Variants in CTNND2 observed in about 807,000 individuals in gnomAD.
The protein encoded by CTNND2 is catenin delta-2.
CTNND2 carries 22 observed loss-of-function variants against 144.4 expected under a neutral mutation model. That is an observed-to-expected ratio of 0.15 (90% CI 0.11 to 0.22). The LOEUF (loss-of-function observed/expected upper bound fraction) is 0.22, where lower values mean the gene tolerates loss of function less well. Ranked by LOEUF, CTNND2 falls within the 10% of genes least tolerant of loss-of-function variation. The pLI is 1.00. For synonymous variants in CTNND2, 751 were observed against 695.6 expected, an observed-to-expected ratio of 1.08 and a Z score of -1.25; for missense variants, 1,353 against 1,618.8, an observed-to-expected ratio of 0.84 and a Z score of 2.82.
chr5:11,060,629 C>T (rs138998180), intron 16 of CTNND2, among the ~76,000 whole-genome samples: 1 of 152,254 alleles, frequency 6.6e-6, no homozygotes, highest in East Asian at 1.9e-4. Flanking sequence ...GATGCCTCAA[C>T]AGTAGTGGCA....
chr5:11,798,630 G>A (rs1791525001), intron 1 of CTNND2, among the ~76,000 whole-genome samples: 1 of 152,128 alleles, frequency 6.6e-6, no homozygotes, highest in Non-Finnish European at 1.5e-5. Context: ...ATCTGGGCCT[G>A]GTGGTGCGTG....
chr5:11,450,892 C>G (rs1310559115), intron 3 of CTNND2, among the ~76,000 whole-genome samples: 1 of 98,786 alleles, frequency 1.0e-5, no homozygotes, highest in African/African-American at 4.2e-5. Context: ...CAGCGAAACT[C>G]CATCTCAAAA....
chr5:11,388,832 T>G (rs1175747807), intron 6 of CTNND2, among the ~76,000 whole-genome samples: 1 of 152,218 alleles, frequency 6.6e-6, no homozygotes, highest in Non-Finnish European at 1.5e-5. Flanking sequence ...TGTATTCACT[T>G]TAGTGTCACA....
chr5:11,695,019 A>C (rs576560747), intron 2 of CTNND2, among the ~76,000 whole-genome samples: 8 of 152,340 alleles, frequency 5.3e-5, no homozygotes, highest in African/African-American at 1.9e-4. Flanking sequence ...ATGTCTTTCA[A>C]TGAATGTTGT....
intron 3 of CTNND2, among the ~76,000 whole-genome samples, chr5:11,500,604 G>A (rs1271372009): frequency 6.6e-6 from 1 of 152,144 alleles, no homozygotes; most frequent in Non-Finnish European, 1.5e-5. Flanking sequence ...TACAACTTAG[G>A]AAGGCAAAAT....
chr5:11,470,277 AT>A (rs1767067025), intron 3 of CTNND2, among the ~76,000 whole-genome samples: 1 of 152,126 alleles, frequency 6.6e-6, no homozygotes, highest in Admixed American at 6.5e-5. Flanking sequence ...CTCCATTAAA[AT>A]ACAAAATTAG....
Position 11,074,651 on chromosome 5 carries a change from A to G in CTNND2, c.2788+8045T>C, listed in dbSNP as rs61750303. Among the ~76,000 whole-genome samples, 26 of 152,320 alleles carry G rather than the reference A, an allele frequency of 1.7e-4. No homozygotes were observed. The East Asian group carries it at 4.1e-3, about 24-fold the overall frequency. ...ATTCAGGACAGTATTGATATAACGA[A>G]GATTTTCCCTGTTCTCACCACCCCT... On this transcript the variant is annotated intron_variant, in intron 16 of 21. Coordinates refer to ENST00000304623, the MANE Select transcript of CTNND2 (RefSeq NM_001332.4).
chr5:11,156,783 C>T (rs994149624), intron 12 of CTNND2, among the ~76,000 whole-genome samples: 1 of 152,140 alleles, frequency 6.6e-6, no homozygotes, highest in African/African-American at 2.4e-5. Flanking sequence ...GGTAGCTACA[C>T]ACTCCGTAGG....
chr5:11,528,975 G>A (rs934984068), intron 3 of CTNND2, among the ~76,000 whole-genome samples: 3 of 152,314 alleles, frequency 2.0e-5, no homozygotes, highest in South Asian at 2.1e-4. Flanking sequence ...CACAGAGGCC[G>A]GCGTTGACAG....
At position 10,981,797 on chromosome 5, in the gene CTNND2, G is replaced by A. The variant is rs571416843; in HGVS notation, c.3393C>T (p.Pro1131=). The A allele has an allele frequency of 8.7e-6, 14 of 1,613,874 alleles. No individual in the cohort carries two copies. Among genetic ancestry groups the A allele is most frequent in the South Asian group, 3.3e-5 (3 of 91,028 alleles). ...STLYRNSYGA[P]AEDIKHNQVS... ...CCTGGTTGTGTTTGATGTCTTCAGC[G>A]GGCGCACCATAAGAATTCCTATACA... Residue 1131 remains proline (P), a synonymous_variant, in exon 21 of 22, where the codon CCC becomes CCT. Coordinates refer to ENST00000304623, the MANE Select transcript of CTNND2 (RefSeq NM_001332.4).
chr5:11,759,323 A>G (rs938148059), intron 1 of CTNND2, among the ~76,000 whole-genome samples: 1 of 152,096 alleles, frequency 6.6e-6, no homozygotes, highest in African/African-American at 2.4e-5. Flanking sequence ...AAACCTTAAT[A>G]ACCTGCAGGA....
intron 16 of CTNND2, among the ~76,000 whole-genome samples, chr5:11,072,558 C>T (rs550123424): frequency 5.9e-5 from 9 of 152,302 alleles, no homozygotes; most frequent in Admixed American, 3.9e-4. Context: ...AAACAATGTC[C>T]GAATTTCAAC....
chr5:11,546,732 G>A (rs933781692), intron 3 of CTNND2, among the ~76,000 whole-genome samples: 1 of 152,086 alleles, frequency 6.6e-6, no homozygotes, highest in Non-Finnish European at 1.5e-5. Flanking sequence ...CATTTGAGAA[G>A]AATTAAATGG....
intron 3 of CTNND2, among the ~76,000 whole-genome samples, chr5:11,498,528 C>T (rs1394250583): frequency 1.3e-5 from 2 of 152,108 alleles, no homozygotes; most frequent in Admixed American, 6.5e-5. Flanking sequence ...ATTTCACTTA[C>T]AACAATGTAG....
At chr5:11,113,783 C>G (rs1224793524) in intron 13 of CTNND2, among the ~76,000 whole-genome samples, 1 of 152,190 alleles carries the variant, frequency 6.6e-6, no homozygotes, top group Admixed American at 6.5e-5. Flanking sequence ...CTCTGCAGTC[C>G]TGGGGTGGGA....
intron 2 of CTNND2, among the ~76,000 whole-genome samples, chr5:11,653,510 C>T (rs1157952896): frequency 6.6e-6 from 1 of 151,940 alleles, no homozygotes; most frequent in Non-Finnish European, 1.5e-5. Context: ...TTTTTATATA[C>T]CTGTTGGTCA....
At chr5:11,327,125 C>T (rs922416020) in intron 9 of CTNND2, among the ~76,000 whole-genome samples, 3 of 152,108 alleles carry the variant, frequency 2.0e-5, no homozygotes, top group Admixed American at 6.6e-5. Flanking sequence ...ATGCTACAGG[C>T]TGAAGTTAAC....
At chr5:11,213,384 T>C (rs1227229895) in intron 10 of CTNND2, among the ~76,000 whole-genome samples, 3 of 152,168 alleles carry the variant, frequency 2.0e-5, no homozygotes, top group Admixed American at 1.3e-4. Context: ...CTCCACAAAC[T>C]GAACCATGTC....
chr5:11,378,065 C>T (rs953160767), intron 7 of CTNND2, among the ~76,000 whole-genome samples: 3 of 152,064 alleles, frequency 2.0e-5, no homozygotes, highest in African/African-American at 4.8e-5. Flanking sequence ...TGAGCTTGCA[C>T]GAAGCCACTG....
Sources: allele counts gnomAD v4.1 joint callset (sites outside exome capture counted in the v4.1 genomes callset), GRCh38; gene constraint gnomAD v4.1.1; transcripts MANE v1.5; gene names NCBI Gene and HGNC (gene_info 2026-07-23, HGNC 2026-07-21).